Variants in TPRG1 observed in about 807,000 individuals in gnomAD.
TPRG1 encodes tumor protein p63-regulated gene 1 protein.
TPRG1 carries 29 observed loss-of-function variants against 29.3 expected under a neutral mutation model. The ratio of observed to expected loss-of-function variants is 0.99; its 90% CI spans 0.74 to 1.35. TPRG1 has a LOEUF of 1.35. TPRG1 is among the 40% of genes most tolerant of loss of function. The pLI, the probability that TPRG1 is intolerant of heterozygous loss-of-function variation, is 0.00. For synonymous variants in TPRG1, 130 were observed against 116.8 expected, an observed-to-expected ratio of 1.11 and a Z score of -0.73; for missense variants, 327 against 335.0, an observed-to-expected ratio of 0.98 and a Z score of 0.19.
chr3:189,142,400 A>C (rs1724694550), intron 3 of TPRG1, among the ~76,000 whole-genome samples: 1 of 152,148 alleles, frequency 6.6e-6, no homozygotes, highest in Non-Finnish European at 1.5e-5. Flanking sequence ...CTTGTGAGTA[A>C]GGAGAGGGTA....
At chr3:189,217,952 A>G in intron 3 of TPRG1, 1 of 985,374 alleles carries the variant, frequency 1.0e-6, no homozygotes, top group Non-Finnish European at 1.2e-6. Flanking sequence ...CCCAACAGCA[A>G]CCACAAAACA....
intron 1 of TPRG1, among the ~76,000 whole-genome samples, chr3:189,200,436 A>G (rs1733287845): frequency 6.6e-6 from 1 of 152,196 alleles, no homozygotes; most frequent in Non-Finnish European, 1.5e-5. Context: ...ACCTTCACAA[A>G]ATGTCAAAAT....
chr3:189,173,827 T>C (rs1729141986), intron 1 of TPRG1, among the ~76,000 whole-genome samples: 1 of 152,192 alleles, frequency 6.6e-6, no homozygotes, highest in Admixed American at 6.5e-5. Context: ...TTAAGATTTC[T>C]TCCAATTAAG....
chr3:189,114,468 A>T (rs749914158), intron 1 of TPRG1, among the ~76,000 whole-genome samples: 3 of 152,148 alleles, frequency 2.0e-5, no homozygotes, highest in Non-Finnish European at 4.4e-5. Context: ...TGTTTAGTAG[A>T]GACAGGGTTT....
At chr3:189,081,706 T>G (rs1717605580) in intron 4 of TPRG1, among the ~76,000 whole-genome samples, 1 of 152,210 alleles carries the variant, frequency 6.6e-6, no homozygotes, top group African/African-American at 2.4e-5. Context: ...TGTTAAAAAA[T>G]AAACCAAACA....
chr3:189,206,353 T>A (rs1734369497), intron 1 of TPRG1, among the ~76,000 whole-genome samples: 1 of 152,068 alleles, frequency 6.6e-6, no homozygotes, highest in Non-Finnish European at 1.5e-5. Context: ...ATACTTATTT[T>A]ATTTTATTTT....
At chr3:189,259,407 T>A (rs2167156) in intron 4 of TPRG1, among the ~76,000 whole-genome samples, 1 of 146,252 alleles carries the variant, frequency 6.8e-6, no homozygotes, top group East Asian at 2.0e-4. Context: ...GTGTTGATCT[T>A]GCTGGGAGCT....
intron 4 of TPRG1, among the ~76,000 whole-genome samples, chr3:189,274,082 T>C (rs899390554): frequency 2.0e-5 from 3 of 151,592 alleles, no homozygotes; most frequent in Non-Finnish European, 4.4e-5. Context: ...CCTCAAATTC[T>C]TTATCTTTTA....
chr3:189,105,304 GA>G (rs769165176), intron 1 of TPRG1, among the ~76,000 whole-genome samples: 6 of 152,206 alleles, frequency 3.9e-5, no homozygotes, highest in Middle Eastern at 3.4e-3. Context: ...TGTTGGTCCT[GA>G]AAAGCACCTG....
chr3:189,259,551 C>T (rs188240569), intron 4 of TPRG1, among the ~76,000 whole-genome samples: 1 of 141,466 alleles, frequency 7.1e-6, no homozygotes, highest in African/African-American at 2.6e-5. Context: ...TGCAACCAAC[C>T]CCCACCTCCT....
rs551877745 is a variant in TPRG1, at chr3:189,133,294, G to A, written c.-291+597G>A. Reference sequence around the variant, plus strand: ...GGGAGAGAAGAAGTAGTAACGTTATGGGAAGATAATAGTGCCAACTCCAGA... The same window carrying A: ...GGGAGAGAAGAAGTAGTAACGTTATAGGAAGATAATAGTGCCAACTCCAGA... On this transcript the variant is annotated intron_variant, in intron 3 of 6. Coordinates refer to the TPRG1 transcript ENST00000412373. 5.9e-5 allele frequency among the ~76,000 whole-genome samples: 9 copies of A among 152,272 alleles called. No individual in the cohort carries two copies. In the South Asian group the frequency reaches 1.9e-3, roughly 32 times the overall value.
At chr3:189,190,359 T>G (rs1044181174) in intron 1 of TPRG1, among the ~76,000 whole-genome samples, 7 of 152,182 alleles carry the variant, frequency 4.6e-5, no homozygotes, top group Non-Finnish European at 7.3e-5. Context: ...TGAGCTTCAG[T>G]TTCTATCTGG....
chr3:189,098,352 A>G (rs549410363), upstream of TPRG1, among the ~76,000 whole-genome samples: 48 of 152,330 alleles, frequency 3.2e-4, no homozygotes, highest in African/African-American at 1.1e-3. Flanking sequence ...GCATGATGTC[A>G]TCTGCTAGAA....
intron 3 of TPRG1, among the ~76,000 whole-genome samples, chr3:189,230,422 A>G (rs140198948): frequency 1.3e-5 from 2 of 151,978 alleles, no homozygotes; most frequent in Admixed American, 1.3e-4. Context: ...CATGAAAAAT[A>G]GTCATAAATT....
intron 5 of TPRG1, among the ~76,000 whole-genome samples, chr3:189,311,578 C>T (rs1285310100): frequency 6.6e-6 from 1 of 152,054 alleles, no homozygotes; most frequent in East Asian, 1.9e-4. Flanking sequence ...TCTTCATTCC[C>T]CCATAATACA....
intron 4 of TPRG1, among the ~76,000 whole-genome samples, chr3:189,255,389 G>C (rs1298446115): frequency 6.6e-6 from 1 of 152,156 alleles, no homozygotes; most frequent in Admixed American, 6.5e-5. Flanking sequence ...GATCATGGTG[G>C]ATAATCTTTT....
At chr3:189,239,778 A>C (rs1251925359) in intron 4 of TPRG1, among the ~76,000 whole-genome samples, 1 of 152,168 alleles carries the variant, frequency 6.6e-6, no homozygotes, top group Non-Finnish European at 1.5e-5. Context: ...CATTCCTGGA[A>C]GTTCAGTGAC....
exon 3 of TPRG1, chr3:189,004,630 T>C (rs1481236619): frequency 6.6e-6 from 1 of 152,198 alleles, no homozygotes; most frequent in Non-Finnish European, 1.5e-5. Flanking sequence ...AATGACTGCA[T>C]GGAGCAGAAC....
chr3:189,082,678 C>A (rs1717672192), intron 4 of TPRG1, among the ~76,000 whole-genome samples: 1 of 152,140 alleles, frequency 6.6e-6, no homozygotes, highest in African/African-American at 2.4e-5. Context: ...CTGTTTCAAA[C>A]TTTACAATTT....
Sources: gnomAD v4.1 joint callset for allele counts (sites outside exome capture counted in the v4.1 genomes callset) on GRCh38, gnomAD v4.1.1 for gene constraint, MANE v1.5 for transcripts, NCBI Gene and HGNC (gene_info 2026-07-23, HGNC 2026-07-21) for gene names.